DENND5A: variants seen among roughly 807,000 people sequenced by gnomAD.
DENND5A encodes the protein DENN domain-containing protein 5A.
A neutral mutation model predicts 140.3 loss-of-function variants in DENND5A; 64 were observed. The observed-to-expected ratio is 0.46, with a 90% confidence interval of 0.37 to 0.56. The LOEUF (loss-of-function observed/expected upper bound fraction) is 0.56, where lower values mean the gene tolerates loss of function less well. DENND5A is among the 20% of genes least tolerant of loss of function. The pLI, the probability that DENND5A is intolerant of heterozygous loss-of-function variation, is 0.00. For synonymous variants in DENND5A, 605 were observed against 607.7 expected (o/e 1.00, Z 0.07); for missense variants, 1,292 against 1,593.8 (o/e 0.81, Z 3.22).
chr11:9,168,481 T>C (rs1590226994), intron 10 of DENND5A, among the ~76,000 whole-genome samples: 1 of 152,174 alleles, frequency 6.6e-6, no homozygotes, highest in Non-Finnish European at 1.5e-5. Context: ...ATGTCCTTTA[T>C]CAGCAACATG....
chr11:9,150,668 G>A lies in DENND5A; in HGVS notation c.2606+12C>T, dbSNP rs770858704. ...GATTTTAGTGGCTTATTACATGTGA[G>A]CCCATACTGACCTCATATCCTGAAT... On this transcript the variant is annotated intron_variant, in intron 14 of 22. Coordinates refer to ENST00000328194, the MANE Select transcript of DENND5A (RefSeq NM_015213.4). 1.2e-6 allele frequency: 2 copies of A among 1,600,926 alleles called. No homozygotes were observed. The highest frequency in any genetic ancestry group is 2.2e-5 in the South Asian group (2 of 90,290).
At chr11:9,166,418 ATAGT>A (rs1848195450) in intron 10 of DENND5A, among the ~76,000 whole-genome samples, 1 of 152,088 alleles carries the variant, frequency 6.6e-6, no homozygotes, top group Non-Finnish European at 1.5e-5. Flanking sequence ...CTAGGCTCAG[ATAGT>A]TAGGAATAGA....
chr11:9,143,684 C>G (rs1486549765), intron 19 of DENND5A, among the ~76,000 whole-genome samples, 199 bp from the exon 20 acceptor site: 1 of 152,234 alleles, frequency 6.6e-6, no homozygotes, highest in Non-Finnish European at 1.5e-5. Context: ...CAAAAGCTAA[C>G]ACCTTAGAGT....
At chr11:9,212,607 GA>G (rs1849922427) in intron 1 of DENND5A, among the ~76,000 whole-genome samples, 1 of 150,978 alleles carries the variant, frequency 6.6e-6, no homozygotes, top group Non-Finnish European at 1.5e-5. Flanking sequence ...ATGAAGGCTA[GA>G]AAACATGGAA....
Position 9,160,862 on chromosome 11 carries a change from T to C in DENND5A, c.2287A>G (p.Lys763Glu). 1 of 1,613,806 alleles carries C rather than the reference T, an allele frequency of 6.2e-7. No homozygotes were observed. Among genetic ancestry groups the C allele is most frequent in the South Asian group, 1.1e-5 (1 of 91,054 alleles). The part of the protein sequence containing the change: ...GLLKECRNKT[K>E]RMLVEKMGRE... ...CCCATCTTTTCCACCAGCATCCTCT[T>C]GGTCTACAAGGAAGCAGTCAACAGG... Residue 763 changes from lysine to glutamate, a missense_variant, in exon 12 of 23, where the codon AAG becomes GAG. Transcript: ENST00000328194.
At chr11:9,207,503 G>T in intron 2 of DENND5A, 58 bp downstream of exon 2, 1 of 1,289,404 alleles carries the variant, frequency 7.8e-7, no homozygotes, top group Non-Finnish European at 1.1e-6. Context: ...CCACTGGAGA[G>T]ATATATGTAA....
chr11:9,165,776 C>G (rs1848168781), intron 11 of DENND5A, 60 bp downstream of exon 11: 5 of 1,595,660 alleles, frequency 3.1e-6, no homozygotes, highest in Middle Eastern at 1.7e-4. Context: ...AGAGCCAATC[C>G]TTGGTCTTAC....
At chr11:9,250,987 T>C (rs956108279) in intron 1 of DENND5A, among the ~76,000 whole-genome samples, 5 of 151,706 alleles carry the variant, frequency 3.3e-5, no homozygotes, top group East Asian at 3.9e-4. Flanking sequence ...ATACAAAAAT[T>C]AGCTGGGCAT....
rs149815160 is a variant in DENND5A, at chr11:9,145,808, C to T, written c.2865G>A (p.Pro955=). The change falls in exon 17 of 23, where the codon CCG becomes CCA. Residue 955 remains proline (P), a synonymous_variant. Coordinates refer to ENST00000328194, the MANE Select transcript of DENND5A (RefSeq NM_015213.4). The part of the protein sequence containing the change: ...FTNVFTTILI[P]YHILIVPSKK... Reference sequence around the variant, plus strand: ...TGCTTGGTACGATCAGAATGTGGTACGGGATCACTGTTTAGGGGAAGCCAC... The same window carrying T: ...TGCTTGGTACGATCAGAATGTGGTATGGGATCACTGTTTAGGGGAAGCCAC... The T allele has an allele frequency of 2.0e-5, 33 of 1,614,134 alleles. No individual in the cohort carries two copies. The highest frequency in any genetic ancestry group is 1.7e-4 in the African/African-American group (13 of 75,034).
At chr11:9,206,842 T>C in intron 2 of DENND5A, 60 bp from the exon 3 acceptor site, 1 of 1,265,466 alleles carries the variant, frequency 7.9e-7, no homozygotes, top group Non-Finnish European at 1.2e-6. Context: ...CACAGGGTTA[T>C]AAATGTCTGA....
chr11:9,231,936 T>G (rs1432050939), intron 1 of DENND5A, among the ~76,000 whole-genome samples: 1 of 152,040 alleles, frequency 6.6e-6, no homozygotes, highest in Non-Finnish European at 1.5e-5. Context: ...ACTGTATTGG[T>G]CATATCAAAG....
At chr11:9,229,589 T>C (rs778226769) in intron 1 of DENND5A, among the ~76,000 whole-genome samples, 5 of 151,932 alleles carry the variant, frequency 3.3e-5, no homozygotes, top group Non-Finnish European at 5.9e-5. Flanking sequence ...CTCAAACATA[T>C]ACCTCTCCCC....
At chr11:9,252,192 G>A (rs1203572300) in intron 1 of DENND5A, among the ~76,000 whole-genome samples, 2 of 150,790 alleles carry the variant, frequency 1.3e-5, no homozygotes, top group East Asian at 1.9e-4. Context: ...CAGCTACTCG[G>A]GAGGCCAAGG....
At chr11:9,204,967 T>C (rs11606740) in intron 3 of DENND5A, among the ~76,000 whole-genome samples, 9,036 of 152,044 alleles carry the variant, frequency 0.059, 377 homozygotes, top group South Asian at 0.11. Flanking sequence ...ACTTGGAAAA[T>C]TTAGGAAATG....
intron 1 of DENND5A, among the ~76,000 whole-genome samples, chr11:9,251,622 G>A (rs962363240): frequency 4.6e-5 from 7 of 152,102 alleles, no homozygotes; most frequent in Non-Finnish European, 8.8e-5. Flanking sequence ...TTCTACATAC[G>A]CCAAATGAAA....
intron 5 of DENND5A, among the ~76,000 whole-genome samples, chr11:9,183,280 G>A (rs969149547): frequency 3.9e-5 from 6 of 152,152 alleles, no homozygotes; most frequent in Non-Finnish European, 7.3e-5. Flanking sequence ...TATTACCAAT[G>A]TCATAGACTT....
chr11:9,164,194 A>ATTTTTTTT lies in DENND5A; in HGVS notation c.2283+1634_2283+1641dup, dbSNP rs779522112. ...CTAAAGGTGTGCACCACCACGCCTA[A>ATTTTTTTT]TTTTTTTTTTTTTTTTTTTTTTTTT... On this transcript the variant is annotated intron_variant, in intron 11 of 22. Transcript: ENST00000328194. Among the ~76,000 whole-genome samples, 39 of 79,060 alleles carry ATTTTTTTT rather than the reference A, an allele frequency of 4.9e-4. 2 individuals carry two copies. Among genetic ancestry groups the ATTTTTTTT allele is most frequent in the African/African-American group, 1.7e-3 (36 of 20,640 alleles). The allele number at this position is 79,060 out of a possible 152,430, so 51.9% of individuals were successfully genotyped here.
intron 10 of DENND5A, among the ~76,000 whole-genome samples, chr11:9,168,044 G>A (rs542328872): frequency 1.2e-4 from 18 of 151,110 alleles, no homozygotes; most frequent in Non-Finnish European, 2.1e-4. Context: ...CTGAGGACAA[G>A]ACTAACCTCT....
intron 1 of DENND5A, among the ~76,000 whole-genome samples, chr11:9,256,397 T>C (rs146613832): frequency 0.021 from 3,248 of 151,828 alleles, 119 homozygotes; most frequent in African/African-American, 0.074. Context: ...GAGGCGGAGG[T>C]TGCAGTGAGC....
Sources: allele counts gnomAD v4.1 joint callset (sites outside exome capture counted in the v4.1 genomes callset), GRCh38; gene constraint gnomAD v4.1.1; transcripts MANE v1.5; gene names NCBI Gene and HGNC (gene_info 2026-07-23, HGNC 2026-07-21).